The following TAOK1 variants were observed in gnomAD, a reference collection of about 807,000 sequenced individuals.
TAOK1 encodes serine/threonine-protein kinase TAO1.
TAOK1 carries 21 observed loss-of-function variants against 138.3 expected under a neutral mutation model. The ratio of observed to expected loss-of-function variants is 0.15; its 90% CI spans 0.11 to 0.22. TAOK1 has a LOEUF of 0.22. Ranked by LOEUF, TAOK1 falls within the 10% of genes least tolerant of loss-of-function variation. The pLI, the probability that TAOK1 is intolerant of heterozygous loss-of-function variation, is 1.00. For synonymous variants in TAOK1, 361 were observed against 398.4 expected (o/e 0.91, Z 1.12); for missense variants, 651 against 1,227.7 (o/e 0.53, Z 7.02).
At chr17:29,514,427 A>T (rs1339628200) in intron 15 of TAOK1, 2 of 152,010 alleles carry the variant, frequency 1.3e-5, no homozygotes, top group African/African-American at 4.8e-5. Flanking sequence ...GTGGCACAAT[A>T]CTGCTCACTG....
chr17:29,458,327 T>G (rs999750975), intron 2 of TAOK1, among the ~76,000 whole-genome samples: 1 of 152,206 alleles, frequency 6.6e-6, no homozygotes, highest in African/African-American at 2.4e-5. Flanking sequence ...TATGTTAGTT[T>G]TATAATCAAT....
chr17:29,509,475 T>C (rs987478892), intron 14 of TAOK1, among the ~76,000 whole-genome samples: 3 of 152,152 alleles, frequency 2.0e-5, no homozygotes, highest in African/African-American at 7.2e-5. Context: ...GTGCTGGGAT[T>C]ATAGATGTGA....
intron 19 of TAOK1, among the ~76,000 whole-genome samples, chr17:29,535,798 T>C (rs2032210966): frequency 6.6e-6 from 1 of 151,942 alleles, no homozygotes; most frequent in Non-Finnish European, 1.5e-5. Flanking sequence ...GAGGCTGCAG[T>C]GAGCTGAGAT....
At chr17:29,438,995 G>T (rs1354228608) in intron 1 of TAOK1, among the ~76,000 whole-genome samples, 3 of 151,968 alleles carry the variant, frequency 2.0e-5, no homozygotes, top group Non-Finnish European at 2.9e-5. Context: ...AACATATATT[G>T]CTATGTTACG....
rs182618758 is a variant in TAOK1, at chr17:29,420,281, G to A, written c.-95+29257G>A. On this transcript the variant is annotated intron_variant, in intron 1 of 19. Transcript: ENST00000261716. The stretch of plus-strand genomic sequence containing the variant: ...GGCCACAGACTCAAGCAATTCACCC[G>A]CCTCGGCCTCCCAAAGTGCTGGGAT... 3.2e-3 allele frequency among the ~76,000 whole-genome samples: 489 copies of A among 151,682 alleles called. 1 individual carries two copies. The highest frequency in any genetic ancestry group is 0.012 in the African/African-American group (476 of 41,352).
At position 29,543,843 on chromosome 17, in the gene TAOK1, A is replaced by T. The variant is rs2150780180; in HGVS notation, c.*821A>T. The T allele has an allele frequency of 6.6e-6, 1 of 152,338 alleles. No individual in the cohort carries two copies. Among genetic ancestry groups the T allele is most frequent in the South Asian group, 2.1e-4 (1 of 4,828 alleles). The allele number at this position is 152,338 out of a possible 1,614,324, so 9.4% of individuals were successfully genotyped here. On this transcript the variant is annotated 3_prime_UTR_variant, in exon 20 of 20. Transcript: ENST00000261716. ...CAAGTTGTGTGAGGATTGCATTAACAAACCTATGAGCCTTCAATGGGGAAG... is the reference window on the plus strand; with the variant it reads ...CAAGTTGTGTGAGGATTGCATTAACTAACCTATGAGCCTTCAATGGGGAAG...
At chr17:29,462,861 A>C (rs2030562285) in intron 2 of TAOK1, among the ~76,000 whole-genome samples, 1 of 152,084 alleles carries the variant, frequency 6.6e-6, no homozygotes, top group African/African-American at 2.4e-5. Flanking sequence ...TCTCAACAGC[A>C]TCTAGTTTGT....
At chr17:29,531,280 T>G (rs1250899088) in intron 18 of TAOK1, among the ~76,000 whole-genome samples, 2 of 151,466 alleles carry the variant, frequency 1.3e-5, no homozygotes, top group African/African-American at 4.9e-5. Context: ...AATTTTTTAT[T>G]TATTTATTTA....
intron 1 of TAOK1, among the ~76,000 whole-genome samples, chr17:29,433,489 A>G (rs1236101571): frequency 6.6e-6 from 1 of 151,478 alleles, no homozygotes; most frequent in African/African-American, 2.4e-5. Flanking sequence ...CTCTGTTAGC[A>G]TTGCAGGACT....
intron 2 of TAOK1, among the ~76,000 whole-genome samples, chr17:29,466,363 C>G (rs1448641048): frequency 1.3e-5 from 2 of 152,110 alleles, no homozygotes; most frequent in African/African-American, 4.8e-5. Flanking sequence ...AGGCTGATCT[C>G]GAACTGCTGA....
At chr17:29,530,189 GTTT>G (rs2032079096) in intron 17 of TAOK1, among the ~76,000 whole-genome samples, 1 of 152,154 alleles carries the variant, frequency 6.6e-6, no homozygotes, top group African/African-American at 2.4e-5. Flanking sequence ...ATGCCCTAAT[GTTT>G]TAAATGAGGT....
intron 1 of TAOK1, among the ~76,000 whole-genome samples, chr17:29,397,672 T>C (rs1436674340): frequency 6.7e-5 from 4 of 59,614 alleles, no homozygotes; most frequent in African/African-American, 2.2e-4. Flanking sequence ...ATGATACATG[T>C]ATACATGTAT....
intron 1 of TAOK1, among the ~76,000 whole-genome samples, chr17:29,400,905 T>C (rs869244786): frequency 7.7e-5 from 2 of 26,002 alleles, no homozygotes; most frequent in African/African-American, 3.4e-4. Context: ...TGTTTGCCTC[T>C]TTTTTTTTTT....
chr17:29,484,032 T>C (rs1318001299), intron 8 of TAOK1, among the ~76,000 whole-genome samples: 1 of 152,202 alleles, frequency 6.6e-6, no homozygotes, highest in African/African-American at 2.4e-5. Flanking sequence ...TTCATTGATA[T>C]ATTTTAAGAT....
At chr17:29,499,172 A>G (rs1288767524) in intron 12 of TAOK1, among the ~76,000 whole-genome samples, 1 of 152,004 alleles carries the variant, frequency 6.6e-6, no homozygotes, top group Non-Finnish European at 1.5e-5. Context: ...GGAGTGAGAA[A>G]TGGTTGGGAT....
intron 15 of TAOK1, chr17:29,515,038 T>G (rs2031791493): frequency 6.6e-6 from 1 of 151,334 alleles, no homozygotes; most frequent in Non-Finnish European, 1.5e-5. Flanking sequence ...GTTTGCTCCA[T>G]TGAGTATATT....
intron 6 of TAOK1, 21 bp from the exon 7 acceptor site, chr17:29,480,347 T>G (rs761515791): frequency 6.4e-7 from 1 of 1,560,950 alleles, no homozygotes; most frequent in Non-Finnish European, 8.8e-7. Flanking sequence ...TTAAGTAATT[T>G]TCTGTATTCC....
intron 13 of TAOK1, among the ~76,000 whole-genome samples, chr17:29,503,317 A>G (rs1422984904): frequency 6.7e-6 from 1 of 150,244 alleles, no homozygotes; most frequent in Non-Finnish European, 1.5e-5. Context: ...AATGGTGTGA[A>G]CCTGGGAGGC....
intron 1 of TAOK1, among the ~76,000 whole-genome samples, chr17:29,422,542 T>C (rs979796890): frequency 6.6e-6 from 1 of 152,180 alleles, no homozygotes; most frequent in African/African-American, 2.4e-5. Context: ...TGAACTTCGA[T>C]AGTTTATGTT....
Sources: allele counts gnomAD v4.1 joint callset (sites outside exome capture counted in the v4.1 genomes callset), GRCh38; gene constraint gnomAD v4.1.1; transcripts MANE v1.5; gene names NCBI Gene and HGNC (gene_info 2026-07-23, HGNC 2026-07-21).